Variants in TNRC6B observed in about 807,000 individuals in gnomAD.
TNRC6B encodes trinucleotide repeat-containing gene 6B protein.
Under a neutral mutation model 203.6 loss-of-function variants are expected in TNRC6B, and 52 were observed. That is an observed-to-expected ratio of 0.26 (90% CI 0.20 to 0.32). The LOEUF (loss-of-function observed/expected upper bound fraction) is 0.32. TNRC6B is among the 10% of genes least tolerant of loss of function. TNRC6B has a pLI of 1.00. For missense variants in TNRC6B, 1,923 were observed against 2,286.2 expected, an observed-to-expected ratio of 0.84 and a Z score of 3.24; for synonymous variants, 838 against 845.7, an observed-to-expected ratio of 0.99 and a Z score of 0.16.
At chr22:40,227,743 T>C (rs1467942828) in intron 1 of TNRC6B, among the ~76,000 whole-genome samples, 1 of 152,188 alleles carries the variant, frequency 6.6e-6, no homozygotes. Context: ...TTATTTATTC[T>C]TTCAATAGAA....
At chr22:40,138,118 A>G (rs1156495079) in intron 3 of TNRC6B, among the ~76,000 whole-genome samples, 1 of 152,192 alleles carries the variant, frequency 6.6e-6, no homozygotes, top group Non-Finnish European at 1.5e-5. Context: ...TTTTGAAATA[A>G]GGCAGTAACA....
intron 1 of TNRC6B, among the ~76,000 whole-genome samples, chr22:40,210,452 A>G (rs2069546323): frequency 6.6e-6 from 1 of 152,228 alleles, no homozygotes; most frequent in Non-Finnish European, 1.5e-5. Flanking sequence ...CATGGCTTGG[A>G]CAGTCTTTTT....
At chr22:40,188,845 A>G (rs2069237589) in intron 1 of TNRC6B, among the ~76,000 whole-genome samples, 1 of 152,206 alleles carries the variant, frequency 6.6e-6, no homozygotes, top group Non-Finnish European at 1.5e-5. Context: ...TAATAAGTGT[A>G]TGTAGTCAGA....
Position 40,329,715 on chromosome 22 carries a change from C to G in TNRC6B, c.*6474C>G, listed in dbSNP as rs1413939246. 1 of 152,130 alleles carries G rather than the reference C, an allele frequency of 6.6e-6. No homozygotes were observed. The highest frequency in any genetic ancestry group is 1.5e-5 in the Non-Finnish European group (1 of 68,030). The allele number at this position is 152,130 out of a possible 1,614,324, so 9.4% of individuals were successfully genotyped here. ...ATGCGTGTGGCCACCGGGACCAGATCCCGAGTGATTGTGGCATACCCCTAA... is the reference window on the plus strand; with the variant it reads ...ATGCGTGTGGCCACCGGGACCAGATGCCGAGTGATTGTGGCATACCCCTAA... On this transcript the variant is annotated 3_prime_UTR_variant, in exon 23 of 23. Coordinates refer to ENST00000454349, the MANE Select transcript of TNRC6B (RefSeq NM_001162501.2).
chr22:40,316,436 C>T (rs980490278), intron 21 of TNRC6B, among the ~76,000 whole-genome samples: 5 of 151,682 alleles, frequency 3.3e-5, no homozygotes, highest in Admixed American at 6.6e-5. Context: ...GAGGCCAAGG[C>T]GAGAGGATTG....
chr22:40,259,850 G>A (rs1055341336), intron 3 of TNRC6B, among the ~76,000 whole-genome samples: 1 of 152,204 alleles, frequency 6.6e-6, no homozygotes, highest in Non-Finnish European at 1.5e-5. Flanking sequence ...TGGCCCTGAC[G>A]TTACCCTGGG....
Position 40,322,906 on chromosome 22 carries a change from G to A in TNRC6B, c.5167G>A (p.Val1723Ile), listed in dbSNP as rs745627389. 4.0e-5 allele frequency: 65 copies of A among 1,613,880 alleles called. No individual in the cohort carries two copies. The highest frequency in any genetic ancestry group is 5.3e-5 in the Non-Finnish European group (62 of 1,179,892). The part of the protein sequence containing the change: ...ILAEFATDDE[V>I]SRFLAQAQPP... ...TGCTGAGTTTGCCACTGATGATGAA[G>A]TCAGCCGCTTTCTGGCACAAGCTCA... Residue 1723 changes from valine (V) to isoleucine (I), a missense_variant, in exon 23 of 23, where the codon GTC (valine) becomes ATC (isoleucine). Val to Ile is a conservative substitution (Grantham distance 29). This residue lies in a region of TNRC6B where 34 missense variants were observed against 98.5 expected (regional missense o/e 0.35). Coordinates refer to ENST00000454349, the MANE Select transcript of TNRC6B (RefSeq NM_001162501.2).
intron 4 of TNRC6B, among the ~76,000 whole-genome samples, chr22:40,167,060 G>A (rs375680519): frequency 2.6e-5 from 4 of 152,126 alleles, no homozygotes; most frequent in Non-Finnish European, 5.9e-5. Context: ...ATTTGGCCCC[G>A]CATATTTCAG....
At position 40,334,581 on chromosome 22, in the gene TNRC6B, C is replaced by T. The variant is rs1256803996; in HGVS notation, c.*11340C>T. The T allele has an allele frequency of 2.6e-5, 4 of 152,674 alleles. No individual in the cohort carries two copies. The highest frequency in any genetic ancestry group is 9.6e-5 in the African/African-American group (4 of 41,532). 9.5% of individuals were successfully genotyped at this position (152,674 alleles called of 1,614,324 possible). ...GAGGTTTCTGGACTATTTTATCTGT[C>T]TCCATTTAGATGGAGATATAAATGC... On this transcript the variant is annotated 3_prime_UTR_variant, in exon 23 of 23. Coordinates refer to ENST00000454349, the MANE Select transcript of TNRC6B (RefSeq NM_001162501.2).
chr22:40,092,410 A>G (rs1827127929), intron 1 of TNRC6B, among the ~76,000 whole-genome samples: 1 of 152,284 alleles, frequency 6.6e-6, no homozygotes, highest in Middle Eastern at 3.4e-3. Context: ...TCAAAAAAAA[A>G]AAAACAGATT....
chr22:40,098,541 A>G (rs2068205483), intron 1 of TNRC6B, among the ~76,000 whole-genome samples: 1 of 152,126 alleles, frequency 6.6e-6, no homozygotes, highest in South Asian at 2.1e-4. Context: ...GCATTATCAG[A>G]CTTTTTAATC....
intron 3 of TNRC6B, among the ~76,000 whole-genome samples, chr22:40,147,463 C>T (rs1033512187): frequency 2.0e-5 from 3 of 152,138 alleles, no homozygotes; most frequent in Non-Finnish European, 4.4e-5. Flanking sequence ...AATTTATTTT[C>T]TGATAGTTCT....
intron 12 of TNRC6B, among the ~76,000 whole-genome samples, chr22:40,288,067 T>C (rs1410487989): frequency 1.3e-5 from 2 of 152,078 alleles, no homozygotes; most frequent in Non-Finnish European, 2.9e-5. Context: ...TCTGAATAAT[T>C]AGTTAGAGCT....
chr22:40,251,795 A>C (rs912287004), intron 3 of TNRC6B, among the ~76,000 whole-genome samples: 1 of 152,200 alleles, frequency 6.6e-6, no homozygotes, highest in Non-Finnish European at 1.5e-5. Flanking sequence ...TAATAGCAAA[A>C]AACAAACAAC....
chr22:40,261,747 TA>T, intron 3 of TNRC6B, 84 bp from the exon 4 acceptor site: 1 of 1,179,290 alleles, frequency 8.5e-7, no homozygotes, highest in Non-Finnish European at 1.1e-6. Context: ...CATCTCTAAA[TA>T]AAATAATAAA....
intron 3 of TNRC6B, among the ~76,000 whole-genome samples, chr22:40,258,995 C>T (rs1309526595): frequency 2.6e-5 from 4 of 152,166 alleles, no homozygotes; most frequent in African/African-American, 9.7e-5. Flanking sequence ...GGCAGCCTTA[C>T]AGAAACATAG....
chr22:40,290,253 C>G (rs1237930721), intron 12 of TNRC6B, among the ~76,000 whole-genome samples: 1 of 152,222 alleles, frequency 6.6e-6, no homozygotes, highest in East Asian at 1.9e-4. Context: ...ACTTAAATAG[C>G]CACGTCTGGT....
At chr22:40,182,992 G>A (rs1023646737) in intron 1 of TNRC6B, among the ~76,000 whole-genome samples, 1 of 152,004 alleles carries the variant, frequency 6.6e-6, no homozygotes, top group Non-Finnish European at 1.5e-5. Context: ...TGTATGGTAC[G>A]TCTCCACAAT....
chr22:40,257,220 T>G (rs2070293515), intron 3 of TNRC6B, among the ~76,000 whole-genome samples: 2 of 152,246 alleles, frequency 1.3e-5, no homozygotes, highest in Non-Finnish European at 2.9e-5. Context: ...ACTAGTTCTG[T>G]GCAGCTGCTG....
Sources: gnomAD v4.1 joint callset for allele counts (sites outside exome capture counted in the v4.1 genomes callset) on GRCh38, gnomAD v4.1.1 for gene constraint, gnomAD v4.1.1 regional missense constraint, MANE v1.5 for transcripts, NCBI Gene and HGNC (gene_info 2026-07-23, HGNC 2026-07-21) for gene names.